The following ACSBG2 variants were observed in gnomAD, a reference collection of about 807,000 sequenced individuals.
The protein encoded by ACSBG2 is long-chain-fatty-acid--CoA ligase ACSBG2.
ACSBG2 carries 62 observed loss-of-function variants against 74.7 expected under a neutral mutation model. The ratio of observed to expected loss-of-function variants is 0.83; its 90% CI spans 0.68 to 1.03. The LOEUF is 1.03. Among genes scored for constraint, ACSBG2 ranks in the 50% least tolerant of loss-of-function variants. The pLI is 0.00. For synonymous variants in ACSBG2, 309 were observed against 294.1 expected, an observed-to-expected ratio of 1.05 and a Z score of -0.52; for missense variants, 730 against 817.6, an observed-to-expected ratio of 0.89 and a Z score of 1.31.
chr19:6,151,300 C>G (rs940392009), intron 3 of ACSBG2, among the ~76,000 whole-genome samples: 1 of 152,004 alleles, frequency 6.6e-6, no homozygotes, highest in South Asian at 2.1e-4. Context: ...GTCTCCCACC[C>G]CGTGTGGCTA....
chr19:6,150,405 C>T (rs1206246939), intron 3 of ACSBG2, among the ~76,000 whole-genome samples: 3 of 150,066 alleles, frequency 2.0e-5, no homozygotes, highest in African/African-American at 7.4e-5. Context: ...AGGGTCATAG[C>T]GGCGTTATTC....
chr19:6,188,538 G>A (rs1283752345), intron 13 of ACSBG2, among the ~76,000 whole-genome samples: 1 of 152,134 alleles, frequency 6.6e-6, no homozygotes, highest in African/African-American at 2.4e-5. Context: ...AGACTGAGAG[G>A]ATCGCTTGAG....
At chr19:6,166,706 C>T (rs1461431389) in intron 7 of ACSBG2, among the ~76,000 whole-genome samples, 1 of 151,440 alleles carries the variant, frequency 6.6e-6, no homozygotes, top group Admixed American at 6.6e-5. Context: ...CAGTGGCACT[C>T]CACTCACTGC....
chr19:6,165,156 G>A (rs958996753), intron 6 of ACSBG2, among the ~76,000 whole-genome samples: 1 of 152,136 alleles, frequency 6.6e-6, no homozygotes, highest in Non-Finnish European at 1.5e-5. Flanking sequence ...TGGAACCAGG[G>A]GCTCAAAGAA....
intron 4 of ACSBG2, among the ~76,000 whole-genome samples, chr19:6,153,322 T>A (rs2089299300): frequency 6.6e-6 from 1 of 152,160 alleles, no homozygotes; most frequent in African/African-American, 2.4e-5. Flanking sequence ...CTCTTACCTA[T>A]ATGATATCAT....
At position 6,189,006 on chromosome 19, in the gene ACSBG2, TTG is replaced by T. The variant is rs200599898; in HGVS notation, c.1927+1172_1927+1173del. ...GAACTATATCTTGTGATTGGGTTTT[TTG>T]TGTGTGTGTGATTCTGGGGCAATAG... On this transcript the variant is annotated intron_variant, in intron 13 of 14. Transcript: ENST00000588485. Among the ~76,000 whole-genome samples, 840 of 152,212 alleles carry T rather than the reference TTG, an allele frequency of 5.5e-3. 4 individuals carry two copies. The highest frequency in any genetic ancestry group is 9.5e-3 in the Non-Finnish European group (644 of 68,010).
In ACSBG2 at chr19:6,165,867, G is replaced by A; in HGVS notation, c.590G>A (p.Trp197Ter). 8 of 1,613,990 alleles carry A rather than the reference G, an allele frequency of 5.0e-6. No homozygotes were observed. The highest frequency in any genetic ancestry group is 6.8e-6 in the Non-Finnish European group (8 of 1,179,946). ...PMKKNNNLYS[W>*]DDFMELGRSI... Reference sequence around the variant, plus strand: ...TCCGCTTGTCTTTTCTGTCCACAGTGGGATGATTTCATGGAACTTGGCAGA... The same window carrying A: ...TCCGCTTGTCTTTTCTGTCCACAGTAGGATGATTTCATGGAACTTGGCAGA... Residue 197 changes from tryptophan to a stop codon, truncating the protein, a stop_gained and splice_region_variant, in exon 7 of 15, where the codon TGG becomes TAG. Coordinates refer to ENST00000588485, the MANE Select transcript of ACSBG2 (RefSeq NM_030924.5). LOFTEE classifies it high-confidence loss of function.
At chr19:6,157,188 TC>T (rs1327021269) in intron 5 of ACSBG2, among the ~76,000 whole-genome samples, 2 of 152,292 alleles carry the variant, frequency 1.3e-5, no homozygotes, top group Non-Finnish European at 2.9e-5. Flanking sequence ...GACCTCGTGA[TC>T]CGCCCGCCTT....
In ACSBG2 at chr19:6,190,565, A is replaced by G; in HGVS notation, c.1928-19A>G. 2 of 1,609,740 alleles carry G rather than the reference A, an allele frequency of 1.2e-6. No individual in the cohort carries two copies. The highest frequency in any genetic ancestry group is 1.7e-6 in the Non-Finnish European group (2 of 1,176,254). ...TTCTTTTATCTCCACAACTCAATTG[A>G]TTTCTCCTTTCTCGATAGGTCCAAT... On this transcript the variant is annotated intron_variant, in intron 13 of 14. Transcript: ENST00000588485.
rs1223696078 is a variant in ACSBG2 at position 6,174,995 on chromosome 19, G to A, written c.739-2234G>A. ...ACCCTTTTACAGATGAGAAAACTGA[G>A]GCTCAGACAGAGGAAATTACTTGGT... On this transcript the variant is annotated intron_variant, in intron 7 of 14. Coordinates refer to ENST00000588485, the MANE Select transcript of ACSBG2 (RefSeq NM_030924.5). The surrounding 1 kb of genome is among the most constrained non-coding windows in gnomAD (Gnocchi z 4.2). Among the ~76,000 whole-genome samples, 1 of 152,188 alleles carries A rather than the reference G, an allele frequency of 6.6e-6. No homozygotes were observed.
In ACSBG2 at chr19:6,180,976, T is replaced by C. The variant is rs2090228355; in HGVS notation, c.907-1775T>C. 1.3e-5 allele frequency among the ~76,000 whole-genome samples: 2 copies of C among 151,002 alleles called. No individual in the cohort carries two copies. The highest frequency in any genetic ancestry group is 2.1e-4 in the South Asian group (1 of 4,796). ...ACTTTGGGAGGCCAAGGCAGGCAGATTGCTTAAGGTCAAGAGTTTAAGACC... is the reference window on the plus strand; with the variant it reads ...ACTTTGGGAGGCCAAGGCAGGCAGACTGCTTAAGGTCAAGAGTTTAAGACC... On this transcript the variant is annotated intron_variant, in intron 8 of 14. Coordinates refer to ENST00000588485, the MANE Select transcript of ACSBG2 (RefSeq NM_030924.5). The surrounding 1 kb of genome is among the most constrained non-coding windows in gnomAD (Gnocchi z 4.3).
At position 6,159,078 on chromosome 19, in the gene ACSBG2, C is replaced by T. The variant is rs188933963; in HGVS notation, c.508-2137C>T. On this transcript the variant is annotated intron_variant, in intron 5 of 14. Coordinates refer to ENST00000588485, the MANE Select transcript of ACSBG2 (RefSeq NM_030924.5). ...GTTCAAGTGATTCTCATGCTTCAGT[C>T]TCCCAAGTAGCTGGGACTACAGGTG... Among the ~76,000 whole-genome samples, 41 of 152,258 alleles carry T rather than the reference C, an allele frequency of 2.7e-4. No individual in the cohort carries two copies. In the East Asian group the frequency reaches 7.3e-3, roughly 27 times the overall value.
In ACSBG2 at chr19:6,176,306, G is replaced by A. The variant is rs142042041; in HGVS notation, c.739-923G>A. The A allele has an allele frequency of 1.0e-3, 1,441 of 1,390,310 alleles. 2 individuals are homozygous for A. Among genetic ancestry groups the A allele is most frequent in the Non-Finnish European group, 1.3e-3 (1,347 of 1,071,650 alleles). The allele number at this position is 1,390,310 out of a possible 1,614,324, so 86.1% of individuals were successfully genotyped here. A position where few individuals can be genotyped will look rare whatever the true frequency, so the allele number is the denominator to read the frequency against. ...GAGCATCTGCTTGAGCAAAGTATGT[G>A]AGCGCCCCAATCTTTATGGGTACCC... On this transcript the variant is annotated intron_variant, in intron 7 of 14. Transcript: ENST00000588485.
chr19:6,188,881 A>G (rs2090477283), intron 13 of ACSBG2, among the ~76,000 whole-genome samples: 1 of 152,200 alleles, frequency 6.6e-6, no homozygotes, highest in African/African-American at 2.4e-5. Flanking sequence ...ATCAGTGGGC[A>G]TCAGTAGTTT....
At chr19:6,164,993 G>T (rs187645610) in intron 6 of ACSBG2, among the ~76,000 whole-genome samples, 3 of 152,320 alleles carry the variant, frequency 2.0e-5, no homozygotes, top group Non-Finnish European at 2.9e-5. Context: ...TTCTTCACCT[G>T]CCAGAGTGAG....
Position 6,185,468 on chromosome 19 carries a change from T to C in ACSBG2, c.1355T>C (p.Met452Thr). ...AAGATCTTGACTGGGTGTAAGAATA[T>C]GCTGTTCCAGCAGAACAAGGATGGC... is the stretch of plus-strand genomic sequence containing the variant. The part of the protein sequence containing the change: ...CGKILTGCKN[M>T]LFQQNKDGIG... Residue 452 changes from methionine (M) to threonine (T), a missense_variant, in exon 11 of 15, where the codon ATG (methionine) becomes ACG (threonine). Transcript: ENST00000588485. The C allele has an allele frequency of 6.2e-7, 1 of 1,614,212 alleles. No individual in the cohort carries two copies.
chr19:6,145,907 T>C (rs1329987451), intron 2 of ACSBG2, among the ~76,000 whole-genome samples: 3 of 152,152 alleles, frequency 2.0e-5, no homozygotes, highest in Non-Finnish European at 4.4e-5. Flanking sequence ...GGGCTACTTC[T>C]TCACATTTGC....
chr19:6,154,424 G>GAGAGAGAGAA (rs1318904351), intron 4 of ACSBG2, among the ~76,000 whole-genome samples: 1 of 89,866 alleles, frequency 1.1e-5, no homozygotes, highest in Non-Finnish European at 2.7e-5. Context: ...GAGAGAGAGA[G>GAGAGAGAGAA]AGAGAGAGAA....
At chr19:6,136,895 G>A (rs1277057638) in intron 1 of ACSBG2, among the ~76,000 whole-genome samples, 3 of 151,898 alleles carry the variant, frequency 2.0e-5, no homozygotes, top group Non-Finnish European at 4.4e-5. Context: ...GCACCCGGCC[G>A]ATCGTGTGAT....
Sources: gnomAD v4.1 joint callset for allele counts (sites outside exome capture counted in the v4.1 genomes callset) on GRCh38, gnomAD v4.1.1 for gene constraint, Gnocchi (gnomAD v3.1) non-coding constraint, MANE v1.5 for transcripts, NCBI Gene and HGNC (gene_info 2026-07-23, HGNC 2026-07-21) for gene names.